Variants in SAFB observed in about 807,000 individuals in gnomAD.
The protein encoded by SAFB is scaffold attachment factor B, also known as scaffold attachment factor B1.
A neutral mutation model predicts 101.6 loss-of-function variants in SAFB; 15 were observed. The ratio of observed to expected loss-of-function variants is 0.15; its 90% CI spans 0.10 to 0.23. SAFB has a LOEUF of 0.23. Ranked by LOEUF, SAFB falls within the 10% of genes least tolerant of loss-of-function variation. The pLI, the probability that SAFB is intolerant of heterozygous loss-of-function variation, is 1.00. For missense variants in SAFB, 930 were observed against 1,104.1 expected (o/e 0.84, Z 2.23); for synonymous variants, 449 against 407.5 (o/e 1.10, Z -1.23).
At chr19:5,659,698 A>G (rs1485369837) in intron 14 of SAFB, among the ~76,000 whole-genome samples, 1 of 151,908 alleles carries the variant, frequency 6.6e-6, no homozygotes, top group Non-Finnish European at 1.5e-5. Context: ...TTAAAAAGAA[A>G]AAAAAAAAAA....
intron 1 of SAFB, among the ~76,000 whole-genome samples, chr19:5,624,687 A>ATTTTT (rs35651330): frequency 8.2e-6 from 1 of 121,586 alleles, no homozygotes; most frequent in African/African-American, 3.1e-5. Context: ...AGAAGTAGGG[A>ATTTTT]TTTTTTTTTT....
chr19:5,652,537 C>T (rs998816156), intron 9 of SAFB, among the ~76,000 whole-genome samples: 4 of 152,160 alleles, frequency 2.6e-5, no homozygotes, highest in Non-Finnish European at 5.9e-5. Flanking sequence ...TTTCCTGAGC[C>T]ATGGTGTCTT....
Position 5,623,148 on chromosome 19 carries a change from G to T in SAFB, c.-58G>T. The T allele has an allele frequency of 2.0e-6, 3 of 1,514,440 alleles. No homozygotes were observed. The highest frequency in any genetic ancestry group is 2.3e-4 in the Middle Eastern group (1 of 4,344). 93.8% of individuals were successfully genotyped at this position (1,514,440 alleles called of 1,614,324 possible). A position where few individuals can be genotyped will look rare whatever the true frequency, so the allele number is the denominator to read the frequency against. ...CAGGCGGCGCCATTTTGTGCTAGGA[G>T]CCTGATAAAACCGGCCCGGTTCTGT... is the stretch of plus-strand genomic sequence containing the variant. On this transcript the variant is annotated 5_prime_UTR_variant, in exon 1 of 21. Transcript: ENST00000588852.
At chr19:5,659,342 G>T (rs1028881348) in intron 14 of SAFB, among the ~76,000 whole-genome samples, 5 of 152,014 alleles carry the variant, frequency 3.3e-5, no homozygotes, top group Admixed American at 3.3e-4. Flanking sequence ...AAAAGGAGGG[G>T]GAGAGGGCAC....
chr19:5,642,031 G>C (rs758890651), intron 4 of SAFB, 85 bp downstream of exon 4: 8 of 1,126,800 alleles, frequency 7.1e-6, no homozygotes, highest in Non-Finnish European at 1.1e-5. Context: ...ATATTGGGAA[G>C]TAAGTTGTTC....
chr19:5,661,058 C>T (rs2054189729), intron 14 of SAFB, among the ~76,000 whole-genome samples: 1 of 145,932 alleles, frequency 6.9e-6, no homozygotes, highest in African/African-American at 2.5e-5. Context: ...GCTGGGACTA[C>T]AGGTGCGTGC....
chr19:5,625,625 G>A (rs2053341259), intron 1 of SAFB, among the ~76,000 whole-genome samples: 1 of 152,222 alleles, frequency 6.6e-6, no homozygotes, highest in Non-Finnish European at 1.5e-5. Flanking sequence ...TTCTAGGGAC[G>A]TCATCGTGAT....
chr19:5,661,117 T>G (rs2054191737), intron 14 of SAFB, among the ~76,000 whole-genome samples: 1 of 151,844 alleles, frequency 6.6e-6, no homozygotes, highest in Non-Finnish European at 1.5e-5. Flanking sequence ...AGACAAGAGT[T>G]TCACCATGTT....
At position 5,667,081 on chromosome 19, in the gene SAFB, C is replaced by T. The variant is rs373577698; in HGVS notation, c.2370C>T (p.His790=). ...AACGCCATGGAGGACCAGAGCGCCA[C>T]GGCCGGGACTCCCGCGATGGCTGGG... ...YPERHGGPER[H]GRDSRDGWGG... is the part of the protein sequence containing the mutation. Residue 790 remains histidine, a synonymous_variant, in exon 18 of 21, where the codon CAC becomes CAT. Transcript: ENST00000588852. This position sits in a 1 kb window ranked among gnomAD's most constrained non-coding sequence, Gnocchi z 4.0. The T allele has an allele frequency of 1.7e-4, 274 of 1,612,286 alleles. No homozygotes were observed. Among genetic ancestry groups the T allele is most frequent in the Non-Finnish European group, 2.3e-4 (266 of 1,179,010 alleles).
chr19:5,642,725 C>T (rs1350784974), intron 4 of SAFB, among the ~76,000 whole-genome samples: 2 of 134,956 alleles, frequency 1.5e-5, no homozygotes, highest in African/African-American at 5.6e-5. Context: ...TGCAGTGGCG[C>T]GATCTCAGCT....
chr19:5,665,212 T>G (rs1260379642), intron 17 of SAFB: 2 of 152,192 alleles, frequency 1.3e-5, no homozygotes. Context: ...CCTCAGGAAT[T>G]CCATCAGCCT....
At chr19:5,625,609 C>G (rs2053340827) in intron 1 of SAFB, among the ~76,000 whole-genome samples, 1 of 152,200 alleles carries the variant, frequency 6.6e-6, no homozygotes, top group Admixed American at 6.5e-5. Flanking sequence ...TGACCTGAAG[C>G]TAAGTTTCTA....
chr19:5,664,584 G>A (rs2054288179), intron 17 of SAFB, 145 bp downstream of exon 17: 4 of 668,394 alleles, frequency 6.0e-6, no homozygotes, highest in South Asian at 1.7e-5. Flanking sequence ...GTCTAGGTTT[G>A]TGGAATGGAA....
At chr19:5,641,688 G>A in intron 3 of SAFB, 30 bp downstream of exon 3, 1 of 1,613,536 alleles carries the variant, frequency 6.2e-7, no homozygotes, top group Non-Finnish European at 8.5e-7. Flanking sequence ...TGAGTAGCGT[G>A]GTGGATGGAC....
At chr19:5,647,972 G>A in intron 5 of SAFB, 44 bp from the exon 6 acceptor site, 2 of 1,547,174 alleles carry the variant, frequency 1.3e-6, no homozygotes, top group South Asian at 1.1e-5. Context: ...TAAACTGTAG[G>A]TGTCATTCAT....
chr19:5,625,907 T>C (rs541519934), intron 1 of SAFB, among the ~76,000 whole-genome samples: 34 of 152,238 alleles, frequency 2.2e-4, no homozygotes, highest in Admixed American at 2.2e-3. Context: ...CGAGCATTAG[T>C]ATTCTGTCCA....
chr19:5,660,925 T>C (rs1483147974), intron 14 of SAFB, among the ~76,000 whole-genome samples: 1 of 141,176 alleles, frequency 7.1e-6, no homozygotes, highest in Non-Finnish European at 1.5e-5. Context: ...CTATGAAGCA[T>C]ATACTCTGTG....
chr19:5,626,398 T>C lies in SAFB; in HGVS notation c.190-7T>C, dbSNP rs2053361331. 3 of 1,573,946 alleles carry C rather than the reference T, an allele frequency of 1.9e-6. No individual in the cohort carries two copies. Among genetic ancestry groups the C allele is most frequent in the South Asian group, 1.1e-5 (1 of 90,228 alleles). On this transcript the variant is annotated splice_polypyrimidine_tract_variant and splice_region_variant and intron_variant, in intron 1 of 20. Coordinates refer to ENST00000588852, the MANE Select transcript of SAFB (RefSeq NM_001201338.2). Reference sequence around the variant, plus strand: ...TTGGATCAACTTTACTTTTCCCTTCTTTTTAGGCAATTGAAGATGAAGGTG... The same window carrying C: ...TTGGATCAACTTTACTTTTCCCTTCCTTTTAGGCAATTGAAGATGAAGGTG...
At position 5,647,963 on chromosome 19, in the gene SAFB, A is replaced by G. The variant is rs1379963288; in HGVS notation, c.610-53A>G. ...AGTTATTCTGGGTTTTCATTTAAAT[A>G]AACTGTAGGTGTCATTCATCTGGCA... is the stretch of plus-strand genomic sequence containing the variant. On this transcript the variant is annotated intron_variant, in intron 5 of 20. Transcript: ENST00000588852. The G allele has an allele frequency of 3.3e-6, 5 of 1,504,752 alleles. 1 individual carries two copies. The South Asian group carries it at 3.4e-5, about 10-fold the overall frequency. The allele number at this position is 1,504,752 out of a possible 1,614,324, so 93.2% of individuals were successfully genotyped here. A position where few individuals can be genotyped will look rare whatever the true frequency, so the allele number is the denominator to read the frequency against.
Sources: gnomAD v4.1 joint callset for allele counts (sites outside exome capture counted in the v4.1 genomes callset) on GRCh38, gnomAD v4.1.1 for gene constraint, Gnocchi (gnomAD v3.1) non-coding constraint, MANE v1.5 for transcripts, NCBI Gene and HGNC (gene_info 2026-07-23, HGNC 2026-07-21) for gene names.